The following PHACTR1 variants were observed in gnomAD, a reference collection of about 807,000 sequenced individuals.
The protein encoded by PHACTR1 is RPEL repeat containing 1.
A neutral mutation model predicts 69.2 loss-of-function variants in PHACTR1; 16 were observed. The ratio of observed to expected loss-of-function variants is 0.23; its 90% CI spans 0.16 to 0.35. The LOEUF (loss-of-function observed/expected upper bound fraction) is 0.35, where lower values mean the gene tolerates loss of function less well. Ranked by LOEUF, PHACTR1 falls within the 10% of genes least tolerant of loss-of-function variation. PHACTR1 has a pLI of 1.00. For synonymous variants in PHACTR1, 312 were observed against 284.5 expected, an observed-to-expected ratio of 1.10 and a Z score of -0.97; for missense variants, 510 against 734.7, an observed-to-expected ratio of 0.69 and a Z score of 3.54.
At chr6:13,073,283 AGATGAATTATAT>A (rs1159247228) in intron 5 of PHACTR1, among the ~76,000 whole-genome samples, 1 of 149,178 alleles carries the variant, frequency 6.7e-6, no homozygotes, top group Non-Finnish European at 1.5e-5. Flanking sequence ...TAGTTCCCTA[AGATGAATTATAT>A]GAAAATTGGA....
intron 4 of PHACTR1, among the ~76,000 whole-genome samples, chr6:13,026,618 G>T (rs1801738285): frequency 6.6e-6 from 1 of 152,140 alleles, no homozygotes; most frequent in Non-Finnish European, 1.5e-5. Flanking sequence ...TCATGGTGGT[G>T]GTGGGTGGGA....
chr6:13,078,911 A>C (rs1198223884), intron 5 of PHACTR1, among the ~76,000 whole-genome samples: 4 of 152,312 alleles, frequency 2.6e-5, no homozygotes, highest in Admixed American at 1.3e-4. Context: ...TTCAGTTCCT[A>C]TTAGGAATAG....
chr6:13,130,502 A>G (rs1820249134), intron 5 of PHACTR1, among the ~76,000 whole-genome samples: 1 of 152,140 alleles, frequency 6.6e-6, no homozygotes, highest in Non-Finnish European at 1.5e-5. Flanking sequence ...ACAGAAATAC[A>G]AAAGATTATT....
intron 10 of PHACTR1, among the ~76,000 whole-genome samples, chr6:13,257,665 A>G (rs1775365776): frequency 6.6e-6 from 1 of 152,088 alleles, no homozygotes; most frequent in South Asian, 2.1e-4. Flanking sequence ...TGCGCATGCT[A>G]TTTCTTTCCT....
At position 13,283,891 on chromosome 6, in the gene PHACTR1, T is replaced by G; in HGVS notation, c.1650+329T>G. ...AGAGGCTCCAGGCTCATCACAGCCC[T>G]TCCGTATAGGGGATGGTGCTGCCGG... On this transcript the variant is annotated intron_variant, in intron 13 of 14. Coordinates refer to ENST00000332995, the MANE Select transcript of PHACTR1 (RefSeq NM_030948.6). The surrounding 1 kb of genome is among the most constrained non-coding windows in gnomAD (Gnocchi z 4.7). 3.0e-6 allele frequency: 1 copy of G among 331,074 alleles called. No homozygotes were observed. Among genetic ancestry groups the G allele is most frequent in the Non-Finnish European group, 5.8e-6 (1 of 172,088 alleles). The allele number at this position is 331,074 out of a possible 1,614,324, so 20.5% of individuals were successfully genotyped here. A position where few individuals can be genotyped will look rare whatever the true frequency, so the allele number is the denominator to read the frequency against.
intron 3 of PHACTR1, among the ~76,000 whole-genome samples, chr6:12,728,038 A>T (rs900991725): frequency 4.6e-5 from 7 of 152,312 alleles, no homozygotes; most frequent in African/African-American, 1.7e-4. Context: ...AGGGCCAGGC[A>T]CAGTGGCTCA....
At chr6:12,929,364 T>C (rs1033072385) in intron 4 of PHACTR1, among the ~76,000 whole-genome samples, 10 of 152,160 alleles carry the variant, frequency 6.6e-5, no homozygotes, top group African/African-American at 2.4e-4. Flanking sequence ...CGAATCTCTG[T>C]TCTGTCCTCT....
At chr6:12,745,912 C>T (rs968181665) in intron 3 of PHACTR1, among the ~76,000 whole-genome samples, 3 of 152,118 alleles carry the variant, frequency 2.0e-5, no homozygotes, top group African/African-American at 7.2e-5. Context: ...CAGTGGCACC[C>T]ACCATCTTGA....
intron 4 of PHACTR1, among the ~76,000 whole-genome samples, chr6:12,989,922 G>A (rs943007673): frequency 2.6e-5 from 4 of 152,146 alleles, no homozygotes; most frequent in Admixed American, 6.5e-5. Flanking sequence ...GAGCCCATAC[G>A]TCTGTCCACA....
intron 5 of PHACTR1, among the ~76,000 whole-genome samples, chr6:13,067,233 T>G (rs755104480): frequency 6.6e-6 from 1 of 152,306 alleles, no homozygotes; most frequent in South Asian, 2.1e-4. Context: ...TATAGTATTA[T>G]TAACTTCACT....
intron 4 of PHACTR1, among the ~76,000 whole-genome samples, chr6:12,968,233 C>T (rs1793733635): frequency 6.6e-6 from 1 of 152,172 alleles, no homozygotes; most frequent in Non-Finnish European, 1.5e-5. Flanking sequence ...AACTTCTCTA[C>T]TGAAATCATG....
intron 4 of PHACTR1, among the ~76,000 whole-genome samples, chr6:12,971,339 A>C (rs1319377383): frequency 6.6e-6 from 1 of 152,174 alleles, no homozygotes; most frequent in African/African-American, 2.4e-5. Flanking sequence ...TTGATACCTG[A>C]AGGATGCAAA....
At chr6:12,939,793 C>G (rs995602063) in intron 4 of PHACTR1, among the ~76,000 whole-genome samples, 1 of 152,148 alleles carries the variant, frequency 6.6e-6, no homozygotes, top group Non-Finnish European at 1.5e-5. Context: ...CAGAACTTTA[C>G]CTCCAATGCC....
At chr6:13,281,172 C>T (rs1355497911) in intron 12 of PHACTR1, 2 of 1,240,932 alleles carry the variant, frequency 1.6e-6, no homozygotes, top group Non-Finnish European at 1.0e-6. Flanking sequence ...ATAGATAGGA[C>T]ATTAGTAAAA....
intron 4 of PHACTR1, among the ~76,000 whole-genome samples, chr6:12,770,976 A>T (rs1456110819): frequency 3.3e-5 from 5 of 152,172 alleles, no homozygotes. Flanking sequence ...TGCAAAGAAC[A>T]AGAAAGCTGG....
At chr6:13,076,697 C>G (rs760467713) in intron 5 of PHACTR1, among the ~76,000 whole-genome samples, 2 of 151,924 alleles carry the variant, frequency 1.3e-5, no homozygotes, top group South Asian at 2.1e-4. Flanking sequence ...GCAAACAAGA[C>G]AGAGTGAGGT....
At chr6:13,192,640 T>A (rs963822039) in intron 7 of PHACTR1, among the ~76,000 whole-genome samples, 1 of 152,238 alleles carries the variant, frequency 6.6e-6, no homozygotes, top group African/African-American at 2.4e-5. Context: ...TGCTGTTCGA[T>A]GGATTTATAA....
chr6:12,910,527 G>T (rs955794528), intron 4 of PHACTR1, among the ~76,000 whole-genome samples: 6 of 152,052 alleles, frequency 3.9e-5, no homozygotes, highest in African/African-American at 1.4e-4. Context: ...AAACAAACAG[G>T]CTTTACCAAG....
At chr6:12,740,118 G>C (rs997319048) in intron 3 of PHACTR1, among the ~76,000 whole-genome samples, 1 of 152,050 alleles carries the variant, frequency 6.6e-6, no homozygotes. Context: ...TCTTTTGTTC[G>C]ACATCATATC....
Sources: allele counts gnomAD v4.1 joint callset (sites outside exome capture counted in the v4.1 genomes callset), GRCh38; gene constraint gnomAD v4.1.1; non-coding constraint Gnocchi (gnomAD v3.1); transcripts MANE v1.5; gene names NCBI Gene and HGNC (gene_info 2026-07-23, HGNC 2026-07-21).